ADGRF5: variants seen among roughly 807,000 people sequenced by gnomAD.
The protein encoded by ADGRF5 is G-protein coupled receptor 116.
Under a neutral mutation model 132.3 loss-of-function variants are expected in ADGRF5, and 75 were observed. The ratio of observed to expected loss-of-function variants is 0.57; its 90% CI spans 0.47 to 0.69. ADGRF5 has a LOEUF of 0.69. Among genes scored for constraint, ADGRF5 ranks in the 30% least tolerant of loss-of-function variants. The pLI, the probability that ADGRF5 is intolerant of heterozygous loss-of-function variation, is 0.00. For missense variants in ADGRF5, 1,516 were observed against 1,630.6 expected (o/e 0.93, Z 1.21); for synonymous variants, 629 against 597.6 (o/e 1.05, Z -0.77).
At chr6:46,924,687 T>C (rs1349363456), upstream of ADGRF5, among the ~76,000 whole-genome samples, 1 of 152,180 alleles carries the variant, frequency 6.6e-6, no homozygotes, top group East Asian at 1.9e-4. Flanking sequence ...AAACAGAACA[T>C]GTCCCAAACT....
intron 1 of ADGRF5, among the ~76,000 whole-genome samples, chr6:46,950,600 C>G (rs895270873): frequency 1.3e-5 from 2 of 152,128 alleles, no homozygotes; most frequent in African/African-American, 4.8e-5. Flanking sequence ...CTGAAACCTC[C>G]GCCTCCCGGG....
At chr6:46,913,490 ACT>A (rs2150911224) in intron 1 of ADGRF5, among the ~76,000 whole-genome samples, 1 of 94,426 alleles carries the variant, frequency 1.1e-5, no homozygotes, top group East Asian at 2.8e-4. Context: ...CAAAAGCAAA[ACT>A]CCACCTCAAA....
intron 1 of ADGRF5, among the ~76,000 whole-genome samples, chr6:46,952,046 A>AGC (rs1778520766): frequency 6.6e-6 from 1 of 152,178 alleles, no homozygotes; most frequent in Non-Finnish European, 1.5e-5. Flanking sequence ...TCTCCCCTGT[A>AGC]GCTCTCTGTC....
upstream of ADGRF5, among the ~76,000 whole-genome samples, chr6:46,925,930 T>C (rs959004837): frequency 3.9e-5 from 6 of 151,982 alleles, no homozygotes; most frequent in African/African-American, 1.5e-4. Flanking sequence ...TTTCTTTTAT[T>C]TTTTAAGCCA....
chr6:46,877,293 C>CTT (rs1554200479), intron 10 of ADGRF5, among the ~76,000 whole-genome samples: 3,285 of 57,772 alleles, frequency 0.057, 43 homozygotes, highest in East Asian at 0.083. Flanking sequence ...CTTTCTTTCT[C>CTT]TCTCTCTCTC....
At chr6:46,857,041 T>G in intron 17 of ADGRF5, 133 bp from the exon 18 acceptor site, 1 of 694,670 alleles carries the variant, frequency 1.4e-6, no homozygotes, top group South Asian at 1.8e-5. Context: ...ATGAGTCCAG[T>G]ACATGATACT....
rs567964591 is a variant in ADGRF5, at chr6:46,856,591, G to A, written c.3876+127C>T. The A allele has an allele frequency of 4.7e-5, 31 of 653,260 alleles. No homozygotes were observed. In the East Asian group the frequency reaches 7.0e-4, roughly 15 times the overall value. 40.5% of individuals were successfully genotyped at this position (653,260 alleles called of 1,614,324 possible). The stretch of plus-strand genomic sequence containing the variant: ...TACAGCTGTTGAGGGAGACAGGTTT[G>A]AGGATGCAATATATTTAGCCTAATT... On this transcript the variant is annotated intron_variant, in intron 19 of 20. Transcript: ENST00000283296.
At chr6:46,915,384 C>T (rs1300792199) in intron 1 of ADGRF5, among the ~76,000 whole-genome samples, 2 of 152,010 alleles carry the variant, frequency 1.3e-5, no homozygotes, top group African/African-American at 4.8e-5. Context: ...CTGGGCTAGA[C>T]CTTAGCAGTG....
intron 1 of ADGRF5, among the ~76,000 whole-genome samples, chr6:46,927,650 C>A (rs1437387385): frequency 1.3e-5 from 2 of 152,172 alleles, no homozygotes; most frequent in African/African-American, 4.8e-5. Flanking sequence ...GATAACACAT[C>A]TGACGCAAGC....
At chr6:46,878,936 C>A (rs957203419) in intron 9 of ADGRF5, among the ~76,000 whole-genome samples, 1 of 152,096 alleles carries the variant, frequency 6.6e-6, no homozygotes, top group Non-Finnish European at 1.5e-5. Flanking sequence ...TCTGTAGTTG[C>A]TTGGAGCGGG....
intron 1 of ADGRF5, among the ~76,000 whole-genome samples, chr6:46,916,395 T>C (rs992690673): frequency 3.3e-5 from 5 of 152,194 alleles, no homozygotes; most frequent in Non-Finnish European, 7.3e-5. Flanking sequence ...CATTGTTTCC[T>C]AGGCTCACAG....
chr6:46,941,406 G>GAAAAGAAAAGAAAAGAAAAGAA (rs1561838614), intron 1 of ADGRF5, among the ~76,000 whole-genome samples: 8 of 28,132 alleles, frequency 2.8e-4, no homozygotes, highest in Middle Eastern at 0.013. Context: ...GAAAAGAAAA[G>GAAAAGAAAAGAAAAGAAAAGAA]AAAAGAAAAG....
At chr6:46,925,156 G>A (rs1777186634), upstream of ADGRF5, among the ~76,000 whole-genome samples, 1 of 152,196 alleles carries the variant, frequency 6.6e-6, no homozygotes, top group African/African-American at 2.4e-5. Flanking sequence ...CATCATTCAT[G>A]TTGCTCCAGG....
chr6:46,950,115 T>C (rs1384585948), intron 1 of ADGRF5, among the ~76,000 whole-genome samples: 1 of 152,118 alleles, frequency 6.6e-6, no homozygotes, highest in East Asian at 1.9e-4. Context: ...ACCTTTGAGG[T>C]CATCACCCGG....
intron 1 of ADGRF5, among the ~76,000 whole-genome samples, chr6:46,910,587 T>G (rs1775847765): frequency 6.6e-6 from 1 of 152,086 alleles, no homozygotes; most frequent in South Asian, 2.1e-4. Context: ...ATTAATTCAC[T>G]GAGGCCACAC....
chr6:46,860,168 T>G (rs1769572398), intron 16 of ADGRF5, among the ~76,000 whole-genome samples: 1 of 152,146 alleles, frequency 6.6e-6, no homozygotes, highest in South Asian at 2.1e-4. Flanking sequence ...TCTGCACTGT[T>G]TCCTCTTTTT....
upstream of ADGRF5, among the ~76,000 whole-genome samples, chr6:46,923,580 TG>T (rs2150928784): frequency 6.6e-6 from 1 of 152,358 alleles, no homozygotes; most frequent in African/African-American, 2.4e-5. Context: ...TGCTGAGGGA[TG>T]CAGTTCCTGG....
chr6:46,858,783 C>T lies in ADGRF5; in HGVS notation c.3120G>A (p.Ser1040=), dbSNP rs777037537. The T allele has an allele frequency of 8.7e-6, 14 of 1,613,958 alleles. No homozygotes were observed. In the African/African-American group the frequency reaches 9.3e-5, roughly 11 times the overall value. Residue 1040 remains serine (S), a synonymous_variant, in exon 17 of 21, where the codon TCG becomes TCA. Coordinates refer to ENST00000283296, the MANE Select transcript of ADGRF5 (RefSeq NM_001098518.2). ...TATAAGAAGTCCGGTTCTTGGTCAC[C>T]GATTTCCACACCACAGCTTCCACAA... ...CLVVEAVVWK[S]VTKNRTSYMR...
chr6:46,859,224 C>T lies in ADGRF5; in HGVS notation c.2679G>A (p.Ser893=), dbSNP rs754033512. 1.4e-5 allele frequency: 23 copies of T among 1,614,024 alleles called. No homozygotes were observed. The highest frequency in any genetic ancestry group is 4.5e-5 in the East Asian group (2 of 44,876). Residue 893 remains serine, a synonymous_variant, in exon 17 of 21, where the codon TCG becomes TCA. Coordinates refer to ENST00000283296, the MANE Select transcript of ADGRF5 (RefSeq NM_001098518.2). The part of the protein sequence containing the change: ...IDKSYLENLQ[S]DSSIVTMAFP... ...AAGCCATGGTGACAATAGACGAATCCGACTGCAAGTTTTCTAGATAGCTCT... is the reference window on the plus strand; with the variant it reads ...AAGCCATGGTGACAATAGACGAATCTGACTGCAAGTTTTCTAGATAGCTCT...
Sources: allele counts gnomAD v4.1 joint callset (sites outside exome capture counted in the v4.1 genomes callset), GRCh38; gene constraint gnomAD v4.1.1; transcripts MANE v1.5; gene names NCBI Gene and HGNC (gene_info 2026-07-23, HGNC 2026-07-21).